Variants in PAX5 observed in about 807,000 individuals in gnomAD.
The protein encoded by PAX5 is paired box protein Pax-5.
In PAX5, 9 loss-of-function variants were observed where a neutral mutation model predicts 43.7. The ratio of observed to expected loss-of-function variants is 0.21; its 90% CI spans 0.12 to 0.36. The LOEUF (loss-of-function observed/expected upper bound fraction) is 0.36, where lower values mean the gene tolerates loss of function less well. PAX5 is among the 10% of genes least tolerant of loss of function. The probability of loss-of-function intolerance (pLI) is 1.00; values close to 1 mark genes in which losing one functional copy is unlikely to be tolerated. For missense variants in PAX5, 383 were observed against 532.7 expected, an observed-to-expected ratio of 0.72 and a Z score of 2.77; for synonymous variants, 228 against 214.3, an observed-to-expected ratio of 1.06 and a Z score of -0.56.
intron 8 of PAX5, among the ~76,000 whole-genome samples, chr9:36,879,561 G>A (rs1397126454): frequency 6.6e-6 from 1 of 152,104 alleles, no homozygotes; most frequent in African/African-American, 2.4e-5. Flanking sequence ...TGGGTGTGGG[G>A]AGTGCTGGGA....
At chr9:36,883,174 G>A (rs1826602035) in intron 7 of PAX5, among the ~76,000 whole-genome samples, 1 of 152,166 alleles carries the variant, frequency 6.6e-6, no homozygotes, top group African/African-American at 2.4e-5. Context: ...CCTGCCCCCT[G>A]GGAGTGGATC....
intron 8 of PAX5, among the ~76,000 whole-genome samples, chr9:36,877,357 A>G (rs1452674145): frequency 6.6e-6 from 1 of 152,172 alleles, no homozygotes. Context: ...AAATGAAAAG[A>G]AAAAAGAAGT....
intron 6 of PAX5, among the ~76,000 whole-genome samples, chr9:36,958,473 G>A (rs1833683580): frequency 6.6e-6 from 1 of 151,956 alleles, no homozygotes; most frequent in Non-Finnish European, 1.5e-5. Context: ...GGTTGGTGGG[G>A]GGAAGTGTGA....
intron 5 of PAX5, among the ~76,000 whole-genome samples, chr9:36,972,562 C>T (rs1159038167): frequency 6.6e-6 from 1 of 152,152 alleles, no homozygotes; most frequent in African/African-American, 2.4e-5. Context: ...TATGATCCAT[C>T]CCACCGCTAA....
At position 37,034,182 on chromosome 9, in the gene PAX5, A is replaced by C. The variant is rs566397475; in HGVS notation, c.-151T>G. The stretch of plus-strand genomic sequence containing the variant: ...ATTCAAGCCTTCCGCTCCCCCGCCG[A>C]GCTGGGGTAGCTGATCACTGAGCTG... On this transcript the variant is annotated 5_prime_UTR_variant, in exon 1 of 10. Transcript: ENST00000358127. 8 of 579,584 alleles carry C rather than the reference A, an allele frequency of 1.4e-5. No individual in the cohort carries two copies. The African/African-American group carries it at 1.5e-4, about 11-fold the overall frequency. 35.9% of individuals were successfully genotyped at this position (579,584 alleles called of 1,614,324 possible).
chr9:37,013,164 T>G (rs1225188212), intron 3 of PAX5, among the ~76,000 whole-genome samples: 3 of 152,206 alleles, frequency 2.0e-5, no homozygotes, highest in Non-Finnish European at 4.4e-5. Flanking sequence ...AAGCCCCAGC[T>G]TCTGCCTTCT....
chr9:36,999,616 G>C (rs116360961), intron 5 of PAX5, among the ~76,000 whole-genome samples: 1 of 152,160 alleles, frequency 6.6e-6, no homozygotes, highest in African/African-American at 2.4e-5. Context: ...TCCGAAAAAT[G>C]GGCAAGGACC....
At chr9:36,913,461 G>A (rs1452467948) in intron 7 of PAX5, among the ~76,000 whole-genome samples, 1 of 152,226 alleles carries the variant, frequency 6.6e-6, no homozygotes, top group Non-Finnish European at 1.5e-5. Flanking sequence ...GAAGTGGGGA[G>A]CCTGGTGCCC....
chr9:37,001,952 G>C (rs1486410886), intron 5 of PAX5, among the ~76,000 whole-genome samples: 2 of 151,822 alleles, frequency 1.3e-5, no homozygotes, highest in African/African-American at 2.4e-5. Context: ...AAGGTGTCCG[G>C]TGTCCAGGAT....
At chr9:36,886,068 T>C (rs7045259) in intron 7 of PAX5, among the ~76,000 whole-genome samples, 32,671 of 151,728 alleles carry the variant, frequency 0.22, 3,742 homozygotes, top group African/African-American at 0.26. Context: ...TGAGAATATG[T>C]CCTGGCTAGC....
At chr9:36,841,160 C>T (rs1477915425) in intron 9 of PAX5, among the ~76,000 whole-genome samples, 1 of 152,240 alleles carries the variant, frequency 6.6e-6, no homozygotes, top group Non-Finnish European at 1.5e-5. Flanking sequence ...ATTCATTTCC[C>T]TCAGGGAAGG....
At chr9:37,025,808 A>C (rs146096303) in intron 1 of PAX5, among the ~76,000 whole-genome samples, 1 of 152,124 alleles carries the variant, frequency 6.6e-6, no homozygotes, top group Admixed American at 6.5e-5. Flanking sequence ...GTGGTAACTA[A>C]TTGGCTTCCT....
chr9:36,835,262 G>A lies in PAX5; in HGVS notation c.*5298C>T, dbSNP rs1296487167. Reference sequence around the variant, plus strand: ...TCTAGAATGGCAGTGACATGATTCTGAGGTTCCCTTCAATCCTGGGGTGCC... The same window carrying A: ...TCTAGAATGGCAGTGACATGATTCTAAGGTTCCCTTCAATCCTGGGGTGCC... On this transcript the variant is annotated 3_prime_UTR_variant, in exon 10 of 10. Coordinates refer to ENST00000358127, the MANE Select transcript of PAX5 (RefSeq NM_016734.3). 4.3e-6 allele frequency: 1 copy of A among 233,148 alleles called. No homozygotes were observed. Among genetic ancestry groups the A allele is most frequent in the Non-Finnish European group, 8.5e-6 (1 of 118,028 alleles). The allele number at this position is 233,148 out of a possible 1,614,324, so 14.4% of individuals were successfully genotyped here. A position where few individuals can be genotyped will look rare whatever the true frequency, so the allele number is the denominator to read the frequency against.
At position 36,966,673 on chromosome 9, in the gene PAX5, A is replaced by T. The variant is rs1352222071; in HGVS notation, c.656T>A (p.Phe219Tyr). The T allele has an allele frequency of 6.2e-7, 1 of 1,614,156 alleles. No homozygotes were observed. Among genetic ancestry groups the T allele is most frequent in the South Asian group, 1.1e-5 (1 of 91,074 alleles). The change falls in exon 6 of 10, where the codon TTC (phenylalanine) becomes TAC (tyrosine). Residue 219 changes from phenylalanine (F) to tyrosine (Y), a missense_variant. By Grantham distance (22) the Phe-to-Tyr change is conservative. This residue lies in a region of PAX5 where 291 missense variants were observed against 342.5 expected (regional missense o/e 0.85). Transcript: ENST00000358127. ...PNGHSLPGRD[F>Y]LRKQMRGDLF... The stretch of plus-strand genomic sequence containing the variant: ...GTCTCCCCGCATCTGCTTCCGGAGG[A>T]AGTCTCTGCCCGGAAGCGAGTGGCC...
In PAX5 at chr9:36,934,487, C is replaced by T. The variant is rs572630165; in HGVS notation, c.781-11003G>A. Among the ~76,000 whole-genome samples the T allele has an allele frequency of 5.9e-5, 9 of 152,264 alleles. No homozygotes were observed. The East Asian group carries it at 1.2e-3, about 20-fold the overall frequency. ...CAAGATGTTTTTGTGGAGGGAAACT[C>T]GGTAAAGGGTGTATAGGAGTCCTCG... On this transcript the variant is annotated intron_variant, in intron 6 of 9. Coordinates refer to ENST00000358127, the MANE Select transcript of PAX5 (RefSeq NM_016734.3).
intron 8 of PAX5, chr9:36,861,450 G>A (rs956862189): frequency 6.8e-6 from 1 of 148,148 alleles, no homozygotes; most frequent in African/African-American, 2.5e-5. Context: ...CGTCCGGCAT[G>A]CTAGATAATG....
chr9:36,930,539 T>G (rs1544092), intron 6 of PAX5, among the ~76,000 whole-genome samples: 42,293 of 152,090 alleles, frequency 0.28, 6,518 homozygotes, highest in Non-Finnish European at 0.34. Flanking sequence ...TAGTTCATTT[T>G]TATCTGCATC....
Position 36,931,190 on chromosome 9 carries a change from A to G in PAX5, c.781-7706T>C, listed in dbSNP as rs577985506. On this transcript the variant is annotated intron_variant, in intron 6 of 9. Transcript: ENST00000358127. Reference sequence around the variant, plus strand: ...AAGGACCAGACACCTGCCCACCTCTACATCTACCCAGAAGGAGGACAGAAG... The same window carrying G: ...AAGGACCAGACACCTGCCCACCTCTGCATCTACCCAGAAGGAGGACAGAAG... 2.6e-4 allele frequency among the ~76,000 whole-genome samples: 39 copies of G among 152,350 alleles called. 1 individual carries two copies. In the South Asian group the frequency reaches 7.5e-3, roughly 29 times the overall value.
chr9:36,866,439 C>T (rs1824892893), intron 8 of PAX5, among the ~76,000 whole-genome samples: 1 of 152,316 alleles, frequency 6.6e-6, no homozygotes, highest in East Asian at 1.9e-4. Context: ...TTGCCTGGAT[C>T]CACTGAGGCA....
Sources: gnomAD v4.1 joint callset for allele counts (sites outside exome capture counted in the v4.1 genomes callset) on GRCh38, gnomAD v4.1.1 for gene constraint, gnomAD v4.1.1 regional missense constraint, MANE v1.5 for transcripts, NCBI Gene and HGNC (gene_info 2026-07-23, HGNC 2026-07-21) for gene names.